MAPK14: variants seen among roughly 807,000 people sequenced by gnomAD.
The protein encoded by MAPK14 is CSAID-binding protein.
MAPK14 carries 16 observed loss-of-function variants against 49.6 expected under a neutral mutation model. The observed-to-expected ratio is 0.32, with a 90% CI of 0.22 to 0.49. MAPK14 has a LOEUF of 0.49. Among genes scored for constraint, MAPK14 ranks in the 20% least tolerant of loss-of-function variants. The pLI, the probability that MAPK14 is intolerant of heterozygous loss-of-function variation, is 0.99. For missense variants in MAPK14, 200 were observed against 441.2 expected, an observed-to-expected ratio of 0.45 and a Z score of 4.90; for synonymous variants, 142 against 158.0, an observed-to-expected ratio of 0.90 and a Z score of 0.76.
At chr6:36,103,105 C>G (rs1462958299) in intron 10 of MAPK14, among the ~76,000 whole-genome samples, 1 of 152,148 alleles carries the variant, frequency 6.6e-6, no homozygotes, top group Non-Finnish European at 1.5e-5. Context: ...GCCGTTGCTA[C>G]AGATCCTGTC....
intron 9 of MAPK14, 52 bp downstream of exon 9, chr6:36,096,118 C>T: frequency 7.9e-7 from 1 of 1,272,392 alleles, no homozygotes; most frequent in East Asian, 2.3e-5. Flanking sequence ...CTGCCACTTG[C>T]CTTCTACCAA....
chr6:36,066,599 T>C (rs1255283775), intron 3 of MAPK14, among the ~76,000 whole-genome samples: 2 of 152,170 alleles, frequency 1.3e-5, no homozygotes, highest in Non-Finnish European at 2.9e-5. Flanking sequence ...ATGTGGAAGT[T>C]GAAATTTATT....
chr6:36,072,776 A>C (rs879029662), intron 3 of MAPK14, 97 bp from the exon 4 acceptor site: 6 of 670,320 alleles, frequency 9.0e-6, no homozygotes, highest in Non-Finnish European at 1.5e-5. Flanking sequence ...AAACAAAAAC[A>C]AAAACCAAAA....
chr6:36,037,601 T>C (rs1762801787), intron 1 of MAPK14, among the ~76,000 whole-genome samples: 1 of 152,110 alleles, frequency 6.6e-6, no homozygotes, highest in African/African-American at 2.4e-5. Flanking sequence ...ACAGGACTCA[T>C]TATACCTTGA....
At chr6:36,073,867 A>G in intron 5 of MAPK14, 147 bp downstream of exon 5, 1 of 963,074 alleles carries the variant, frequency 1.0e-6, no homozygotes, top group South Asian at 1.5e-5. Flanking sequence ...GATTAAAGAA[A>G]GAAGATGTGT....
chr6:36,104,320 A>C (rs1329379482), intron 10 of MAPK14, among the ~76,000 whole-genome samples: 1 of 152,018 alleles, frequency 6.6e-6, no homozygotes, highest in Non-Finnish European at 1.5e-5. Flanking sequence ...TATCTAGTTC[A>C]AGGGTCTGTG....
Position 36,107,445 on chromosome 6 carries a change from G to T in MAPK14, c.842-10G>T. The T allele has an allele frequency of 1.3e-6, 2 of 1,521,078 alleles. No individual in the cohort carries two copies. Among genetic ancestry groups the T allele is most frequent in the Non-Finnish European group, 8.8e-7 (1 of 1,132,102 alleles). The allele number at this position is 1,521,078 out of a possible 1,614,324, so 94.2% of individuals were successfully genotyped here. Reference sequence around the variant, plus strand: ...AAAACTCTTTTCCTTCCTGTCTATGGTACTGATAGCTGTCGACTTGCTGGA... The same window carrying T: ...AAAACTCTTTTCCTTCCTGTCTATGTTACTGATAGCTGTCGACTTGCTGGA... On this transcript the variant is annotated splice_polypyrimidine_tract_variant and intron_variant, in intron 10 of 11. Coordinates refer to ENST00000229794, the MANE Select transcript of MAPK14 (RefSeq NM_139012.3). The surrounding 1 kb of genome is among the most constrained non-coding windows in gnomAD (Gnocchi z 4.3).
chr6:36,120,807 A>G, the MAPK14 span, among the ~76,000 whole-genome samples: 2 of 152,198 alleles, frequency 1.3e-5, no homozygotes, highest in Non-Finnish European at 2.9e-5. Context: ...GAACTGTGAC[A>G]TTTGTCCGTG....
intron 3 of MAPK14, among the ~76,000 whole-genome samples, chr6:36,063,002 T>A (rs1305255765): frequency 6.6e-6 from 1 of 152,188 alleles, no homozygotes; most frequent in Non-Finnish European, 1.5e-5. Flanking sequence ...TGTCCCTTTA[T>A]GTTTCGGTTA....
At chr6:36,067,938 A>G (rs1210789031) in intron 3 of MAPK14, among the ~76,000 whole-genome samples, 1 of 152,230 alleles carries the variant, frequency 6.6e-6, no homozygotes, top group African/African-American at 2.4e-5. Context: ...ACATTGTACA[A>G]GCAGATAACA....
At chr6:36,064,185 C>T (rs752955741) in intron 3 of MAPK14, among the ~76,000 whole-genome samples, 6 of 151,448 alleles carry the variant, frequency 4.0e-5, no homozygotes, top group Non-Finnish European at 7.4e-5. Flanking sequence ...GCTATGTTGC[C>T]TTGGTTGGTC....
intron 3 of MAPK14, among the ~76,000 whole-genome samples, chr6:36,064,804 G>A (rs779639241): frequency 6.6e-6 from 1 of 152,188 alleles, no homozygotes; most frequent in Non-Finnish European, 1.5e-5. Context: ...AAGAGCTGAG[G>A]CTGTTAATGG....
At chr6:36,100,192 T>C (rs1765585871) in intron 9 of MAPK14, 2 of 1,609,780 alleles carry the variant, frequency 1.2e-6, no homozygotes, top group African/African-American at 2.7e-5. Flanking sequence ...TCTAAGATAT[T>C]AACCAGCTTC....
intron 1 of MAPK14, among the ~76,000 whole-genome samples, chr6:36,035,523 A>G (rs1762712465): frequency 4.6e-5 from 7 of 152,242 alleles, no homozygotes; most frequent in Admixed American, 3.9e-4. Context: ...GAATGTTTGC[A>G]TGTCTCTTAC....
At chr6:36,050,346 G>T (rs1763345498) in intron 1 of MAPK14, among the ~76,000 whole-genome samples, 2 of 152,342 alleles carry the variant, frequency 1.3e-5, no homozygotes, top group Admixed American at 6.5e-5. Context: ...ACAAATTGTT[G>T]TAGTCAGGGT....
chr6:36,052,382 C>G (rs41271263), intron 1 of MAPK14, among the ~76,000 whole-genome samples: 24,455 of 152,126 alleles, frequency 0.16, 2,681 homozygotes, highest in African/African-American at 0.32. Flanking sequence ...CTGCTTTCCT[C>G]ATACAACCAC....
chr6:36,065,192 T>C (rs1266725019), intron 3 of MAPK14, among the ~76,000 whole-genome samples: 2 of 152,250 alleles, frequency 1.3e-5, no homozygotes, highest in African/African-American at 4.8e-5. Flanking sequence ...AATTTTGTTA[T>C]TGTCTGTCTT....
chr6:36,029,960 T>C (rs1358629939), intron 1 of MAPK14, among the ~76,000 whole-genome samples: 1 of 146,374 alleles, frequency 6.8e-6, no homozygotes, highest in Non-Finnish European at 1.5e-5. Flanking sequence ...ACATATTATA[T>C]ATATCTAGTT....
At chr6:36,119,687 C>T in the MAPK14 span, among the ~76,000 whole-genome samples, 4 of 152,160 alleles carry the variant, frequency 2.6e-5, no homozygotes, top group African/African-American at 9.7e-5. Flanking sequence ...TTTTAGTTGT[C>T]ACACTTGGAG....
Sources: allele counts gnomAD v4.1 joint callset (sites outside exome capture counted in the v4.1 genomes callset), GRCh38; gene constraint gnomAD v4.1.1; non-coding constraint Gnocchi (gnomAD v3.1); transcripts MANE v1.5; gene names NCBI Gene and HGNC (gene_info 2026-07-23, HGNC 2026-07-21).